Variants in EML6 observed in about 807,000 individuals in gnomAD.
EML6 encodes EMAP like 6, also known as echinoderm microtubule-associated protein-like 6.
Under a neutral mutation model 240.1 loss-of-function variants are expected in EML6, and 154 were observed. The ratio of observed to expected loss-of-function variants is 0.64; its 90% CI spans 0.56 to 0.73. The LOEUF is 0.73. Among genes scored for constraint, EML6 ranks in the 30% least tolerant of loss-of-function variants. The pLI, the probability that EML6 is intolerant of heterozygous loss-of-function variation, is 0.00. For synonymous variants in EML6, 1,148 were observed against 899.0 expected, an observed-to-expected ratio of 1.28 and a Z score of -4.95; for missense variants, 2,964 against 2,474.6, an observed-to-expected ratio of 1.20 and a Z score of -4.20.
At chr2:54,873,834 GCAAA>G (rs1456184055) in intron 16 of EML6, among the ~76,000 whole-genome samples, 1 of 144,604 alleles carries the variant, frequency 6.9e-6, no homozygotes, top group Non-Finnish European at 1.5e-5. Context: ...CTCAATTCTA[GCAAA>G]CAATCTGGCA....
In EML6 at chr2:54,971,379, T is replaced by C. The variant is rs1573238817; in HGVS notation, c.*1284T>C. The C allele has an allele frequency of 6.6e-6, 1 of 152,120 alleles. No homozygotes were observed. The highest frequency in any genetic ancestry group is 2.1e-4 in the South Asian group (1 of 4,822). The allele number at this position is 152,120 out of a possible 1,614,324, so 9.4% of individuals were successfully genotyped here. On this transcript the variant is annotated 3_prime_UTR_variant, in exon 42 of 42. Transcript: ENST00000356458. The stretch of plus-strand genomic sequence containing the variant: ...CTGACAGTGCTCACTGAAAGGAGAG[T>C]TGGTGCGGGACTGGTGGTTCTGAGC...
At chr2:54,730,900 G>C (rs1683129017) in intron 2 of EML6, among the ~76,000 whole-genome samples, 2 of 152,200 alleles carry the variant, frequency 1.3e-5, no homozygotes, top group South Asian at 4.1e-4. Flanking sequence ...CCGCCTCGAA[G>C]CTTACTTTCT....
rs113058632 is a variant in EML6, at chr2:54,888,149, C to G, written c.2439-2905C>G. On this transcript the variant is annotated intron_variant, in intron 17 of 41. Transcript: ENST00000356458. ...CAGGAGGCAGTGCTCAAATATCTCT[C>G]TCGAGCTGGGGGCTGGGGCAGGATT... 7.3e-3 allele frequency among the ~76,000 whole-genome samples: 1,108 copies of G among 152,288 alleles called. 14 individuals are homozygous for G. Among genetic ancestry groups the G allele is most frequent in the African/African-American group, 0.026 (1,061 of 41,552 alleles).
intron 24 of EML6, among the ~76,000 whole-genome samples, chr2:54,905,746 A>G (rs1673295239): frequency 6.6e-6 from 1 of 152,196 alleles, no homozygotes; most frequent in Admixed American, 6.5e-5. Flanking sequence ...CTATGAATGT[A>G]ACCACTCTAG....
intron 9 of EML6, 35 bp downstream of exon 9, chr2:54,847,658 G>A (rs755034013): frequency 1.9e-6 from 3 of 1,547,504 alleles, no homozygotes; most frequent in East Asian, 4.9e-5. Flanking sequence ...ATTTAGAAAT[G>A]CTCTCGTGTT....
rs761553967 is a variant in EML6 at position 54,774,710 on chromosome 2, G to A, written c.198-38522G>A. 5.3e-5 allele frequency among the ~76,000 whole-genome samples: 8 copies of A among 152,164 alleles called. No homozygotes were observed. Among genetic ancestry groups the A allele is most frequent in the South Asian group, 2.1e-4 (1 of 4,830 alleles). ...ATTTTTACAAGATGTTTTTCTCCCCGAGGATCTTGTGGGACTAAAAGAGTT... is the reference window on the plus strand; with the variant it reads ...ATTTTTACAAGATGTTTTTCTCCCCAAGGATCTTGTGGGACTAAAAGAGTT... On this transcript the variant is annotated intron_variant, in intron 2 of 41. Coordinates refer to ENST00000356458, the MANE Select transcript of EML6 (RefSeq NM_001039753.4). The surrounding 1 kb of genome is among the most constrained non-coding windows in gnomAD (Gnocchi z 4.1).
chr2:54,919,247 C>CA (rs1056840671), intron 26 of EML6, among the ~76,000 whole-genome samples: 2 of 143,230 alleles, frequency 1.4e-5, no homozygotes, highest in Non-Finnish European at 3.1e-5. Flanking sequence ...TTGCTTCCCC[C>CA]CCCCCCCAAT....
intron 12 of EML6, among the ~76,000 whole-genome samples, chr2:54,862,428 A>T (rs1458101915): frequency 1.3e-5 from 2 of 151,544 alleles, no homozygotes; most frequent in Non-Finnish European, 2.9e-5. Flanking sequence ...ACAGCAGACT[A>T]GATTAAGCAG....
At chr2:54,810,890 A>G (rs1667807988) in intron 2 of EML6, among the ~76,000 whole-genome samples, 1 of 152,136 alleles carries the variant, frequency 6.6e-6, no homozygotes, top group South Asian at 2.1e-4. Context: ...TTCCCCACTA[A>G]AAATTGGATA....
intron 28 of EML6, among the ~76,000 whole-genome samples, chr2:54,929,979 T>C (rs1674766737): frequency 6.6e-6 from 1 of 152,036 alleles, no homozygotes; most frequent in Non-Finnish European, 1.5e-5. Context: ...GTCCTAATTC[T>C]AAGAATTAAG....
At chr2:54,892,345 C>G (rs557498000) in intron 18 of EML6, 109 bp from the exon 19 acceptor site, 4 of 674,708 alleles carry the variant, frequency 5.9e-6, no homozygotes, top group Admixed American at 5.7e-5. Context: ...GACATCTTTA[C>G]ATAAATACCT....
rs17418376 is a variant in EML6, at chr2:54,952,711, G to A, written c.4312+19G>A. On this transcript the variant is annotated intron_variant, in intron 31 of 41. Transcript: ENST00000356458. ...CAGATAGGTAGGAGGTCCTGTGGCA[G>A]CTGAGGCTCTCCCAGCTTGCAGGGA... 43,734 of 1,515,496 alleles carry A rather than the reference G, an allele frequency of 0.029. 747 individuals carry two copies. Among genetic ancestry groups the A allele is most frequent in the Non-Finnish European group, 0.033 (37,283 of 1,114,718 alleles). 93.9% of individuals were successfully genotyped at this position (1,515,496 alleles called of 1,614,324 possible). A position where few individuals can be genotyped will look rare whatever the true frequency, so the allele number is the denominator to read the frequency against.
chr2:54,743,106 T>C (rs354200), intron 2 of EML6, among the ~76,000 whole-genome samples: 50,903 of 152,108 alleles, frequency 0.33, 8,647 homozygotes, highest in East Asian at 0.56. Flanking sequence ...ATGATTTACT[T>C]GTTTATTCAG....
Position 54,808,921 on chromosome 2 carries a change from T to C in EML6, c.198-4311T>C, listed in dbSNP as rs116052579. ...AAGTCCTTCTCTGCAGTGCTTTCTA[T>C]TGCTATGGTAACAGAAGATGGGATT... On this transcript the variant is annotated intron_variant, in intron 2 of 41. Transcript: ENST00000356458. Among the ~76,000 whole-genome samples, 1,048 of 152,338 alleles carry C rather than the reference T, an allele frequency of 6.9e-3. 8 individuals carry two copies. The highest frequency in any genetic ancestry group is 0.024 in the Middle Eastern group (7 of 294).
At chr2:54,859,290 C>T (rs982436705) in intron 11 of EML6, among the ~76,000 whole-genome samples, 1 of 152,214 alleles carries the variant, frequency 6.6e-6, no homozygotes, top group Non-Finnish European at 1.5e-5. Context: ...TTATTTGGAA[C>T]AGGTTCAGAT....
chr2:54,919,249 C>G lies in EML6; in HGVS notation c.3675+2314C>G, dbSNP rs546598250. Among the ~76,000 whole-genome samples, 43 of 145,166 alleles carry G rather than the reference C, an allele frequency of 3.0e-4. No homozygotes were observed. In the East Asian group the frequency reaches 3.5e-3, roughly 12 times the overall value. On this transcript the variant is annotated intron_variant, in intron 26 of 41. Transcript: ENST00000356458. ...ACTTTCCTCTATTTTGCTTCCCCCCCCCCCCAATCCTTTTCAAAAGTCTTA... is the reference window on the plus strand; with the variant it reads ...ACTTTCCTCTATTTTGCTTCCCCCCGCCCCCAATCCTTTTCAAAAGTCTTA...
At chr2:54,795,766 C>CAATACTT (rs1250307873) in intron 2 of EML6, among the ~76,000 whole-genome samples, 9 of 152,156 alleles carry the variant, frequency 5.9e-5, no homozygotes, top group African/African-American at 2.4e-5. Flanking sequence ...CCCCCGAATT[C>CAATACTT]AATACTTAAT....
chr2:54,953,466 G>A (rs1676080753), intron 31 of EML6, among the ~76,000 whole-genome samples: 2 of 152,204 alleles, frequency 1.3e-5, no homozygotes, highest in African/African-American at 4.8e-5. Flanking sequence ...AAGTGTGTGT[G>A]TGTTGAACAT....
chr2:54,803,967 T>C (rs1248608876), intron 2 of EML6, among the ~76,000 whole-genome samples: 2 of 152,236 alleles, frequency 1.3e-5, no homozygotes, highest in South Asian at 2.1e-4. Context: ...AGTAGAATGA[T>C]AGGCCATTTA....
Sources: gnomAD v4.1 joint callset for allele counts (sites outside exome capture counted in the v4.1 genomes callset) on GRCh38, gnomAD v4.1.1 for gene constraint, Gnocchi (gnomAD v3.1) non-coding constraint, MANE v1.5 for transcripts, NCBI Gene and HGNC (gene_info 2026-07-23, HGNC 2026-07-21) for gene names.